Variants in PLPPR5 observed in about 807,000 individuals in gnomAD.
PLPPR5 encodes the protein phospholipid phosphatase-related protein type 5.
PLPPR5 carries 16 observed loss-of-function variants against 33.9 expected under a neutral mutation model. The observed-to-expected ratio is 0.47, with a 90% CI of 0.32 to 0.72. The LOEUF is 0.72. Ranked by LOEUF, PLPPR5 falls within the 30% of genes least tolerant of loss-of-function variation. The probability of loss-of-function intolerance (pLI) is 0.03; values close to 1 mark genes in which losing one functional copy is unlikely to be tolerated. For missense variants in PLPPR5, 301 were observed against 406.7 expected, an observed-to-expected ratio of 0.74 and a Z score of 2.23; for synonymous variants, 163 against 150.3, an observed-to-expected ratio of 1.08 and a Z score of -0.62.
intron 1 of PLPPR5, among the ~76,000 whole-genome samples, chr1:98,966,256 T>C (rs571076427): frequency 2.6e-5 from 4 of 152,294 alleles, no homozygotes; most frequent in Non-Finnish European, 5.9e-5. Flanking sequence ...AATTTGTTAG[T>C]AAAGTGAACT....
intron 3 of PLPPR5, among the ~76,000 whole-genome samples, chr1:98,933,656 C>T (rs1650067159): frequency 6.6e-6 from 1 of 152,048 alleles, no homozygotes; most frequent in South Asian, 2.1e-4. Flanking sequence ...ATTATGGTGG[C>T]AGGAAGGCAT....
intron 5 of PLPPR5, among the ~76,000 whole-genome samples, chr1:98,904,898 C>A (rs1442526085): frequency 1.3e-5 from 2 of 152,092 alleles, no homozygotes; most frequent in African/African-American, 4.8e-5. Flanking sequence ...TGGCTGGGAG[C>A]CCTTTTCTAC....
intron 1 of PLPPR5, among the ~76,000 whole-genome samples, chr1:98,965,260 C>G (rs545832260): frequency 2.0e-5 from 3 of 152,194 alleles, no homozygotes; most frequent in African/African-American, 4.8e-5. Context: ...AGCCTTGCAC[C>G]CCACTGACAG....
Position 99,004,603 on chromosome 1 carries a change from C to T in PLPPR5, c.69G>A (p.Thr23=). ...LYFQMVIMAG[T]VMLAYYFEYT... is the part of the protein sequence containing the mutation. ...ACTCGAAGTAGTACGCCAGCATCAC[C>T]GTCCCTGCCATGATCACCATCTGGA... The change falls in exon 1 of 6, where the codon ACG becomes ACA. Residue 23 remains threonine, a synonymous_variant. Transcript: ENST00000263177. The T allele has an allele frequency of 1.2e-6, 2 of 1,613,080 alleles. No homozygotes were observed. Among genetic ancestry groups the T allele is most frequent in the African/African-American group, 1.3e-5 (1 of 75,048 alleles).
chr1:98,896,933 A>G (rs1011742209), intron 5 of PLPPR5, among the ~76,000 whole-genome samples: 2 of 152,132 alleles, frequency 1.3e-5, no homozygotes, highest in African/African-American at 2.4e-5. Flanking sequence ...CTGTCACTCA[A>G]TCAACAAATA....
At chr1:98,999,427 A>G (rs894981304) in intron 1 of PLPPR5, among the ~76,000 whole-genome samples, 1 of 152,168 alleles carries the variant, frequency 6.6e-6, no homozygotes, top group Non-Finnish European at 1.5e-5. Flanking sequence ...CAAACCCAAG[A>G]AGGCTCCAGA....
intron 1 of PLPPR5, among the ~76,000 whole-genome samples, chr1:98,998,930 AAC>A (rs2100767200): frequency 6.6e-6 from 1 of 152,314 alleles, no homozygotes; most frequent in African/African-American, 2.4e-5. Context: ...AAATGCACCT[AAC>A]ACAGTGGCTG....
intron 3 of PLPPR5, among the ~76,000 whole-genome samples, chr1:98,937,219 C>T (rs1267101617): frequency 6.6e-6 from 1 of 152,182 alleles, no homozygotes; most frequent in Non-Finnish European, 1.5e-5. Context: ...TGTTGCCATG[C>T]TCTAGCAATT....
At chr1:98,908,951 G>A (rs1002470998) in intron 5 of PLPPR5, among the ~76,000 whole-genome samples, 6 of 151,982 alleles carry the variant, frequency 3.9e-5, no homozygotes, top group African/African-American at 1.2e-4. Flanking sequence ...AGGAAGCACT[G>A]GAACCTCCTT....
chr1:98,897,230 C>T (rs1451881751), intron 5 of PLPPR5, among the ~76,000 whole-genome samples: 1 of 152,208 alleles, frequency 6.6e-6, no homozygotes, highest in African/African-American at 2.4e-5. Flanking sequence ...AATTCCAACA[C>T]CAGTGCGCTC....
intron 1 of PLPPR5, among the ~76,000 whole-genome samples, chr1:98,977,304 A>G (rs1570749862): frequency 1.3e-5 from 2 of 151,870 alleles, no homozygotes; most frequent in South Asian, 2.1e-4. Context: ...AAACATGTCA[A>G]TCACATCTGA....
At chr1:98,897,725 A>G (rs988705867) in intron 5 of PLPPR5, among the ~76,000 whole-genome samples, 7 of 152,126 alleles carry the variant, frequency 4.6e-5, no homozygotes, top group African/African-American at 1.7e-4. Flanking sequence ...CTGAATGTCA[A>G]GTGTTTAAAT....
At chr1:98,940,624 G>T (rs1650336728) in intron 3 of PLPPR5, among the ~76,000 whole-genome samples, 1 of 151,808 alleles carries the variant, frequency 6.6e-6, no homozygotes, top group South Asian at 2.1e-4. Context: ...CATGCTTTAG[G>T]GGTGTTACTC....
At chr1:98,967,796 A>G (rs1437781491) in intron 1 of PLPPR5, among the ~76,000 whole-genome samples, 1 of 152,150 alleles carries the variant, frequency 6.6e-6, no homozygotes, top group Non-Finnish European at 1.5e-5. Flanking sequence ...CGTAAATTTT[A>G]GTCATTATTA....
At chr1:98,988,760 T>C (rs1238175088) in intron 1 of PLPPR5, among the ~76,000 whole-genome samples, 1 of 152,144 alleles carries the variant, frequency 6.6e-6, no homozygotes, top group African/African-American at 2.4e-5. Context: ...ATAAGATTCT[T>C]GCTTCTCTTA....
chr1:98,908,154 G>A (rs1174545620), intron 5 of PLPPR5, among the ~76,000 whole-genome samples: 1 of 152,156 alleles, frequency 6.6e-6, no homozygotes, highest in Non-Finnish European at 1.5e-5. Context: ...ATTGCTCCTA[G>A]CTGCCATTCT....
At chr1:98,958,397 C>CTT (rs1015265954) in intron 1 of PLPPR5, among the ~76,000 whole-genome samples, 10 of 151,128 alleles carry the variant, frequency 6.6e-5, no homozygotes, top group South Asian at 2.1e-4. Context: ...TTTCCTCTTT[C>CTT]TTTTTTTAAC....
At chr1:98,993,599 AT>A (rs1652533706) in intron 1 of PLPPR5, among the ~76,000 whole-genome samples, 1 of 152,062 alleles carries the variant, frequency 6.6e-6, no homozygotes, top group Non-Finnish European at 1.5e-5. Flanking sequence ...ACTGTCTAGT[AT>A]TTTTTTAATT....
At chr1:98,983,909 CAT>C (rs1270733815) in intron 1 of PLPPR5, among the ~76,000 whole-genome samples, 1 of 149,918 alleles carries the variant, frequency 6.7e-6, no homozygotes, top group Non-Finnish European at 1.5e-5. Context: ...AGTGTCTGTT[CAT>C]GTCCTTCGCC....
Sources: gnomAD v4.1 joint callset for allele counts (sites outside exome capture counted in the v4.1 genomes callset) on GRCh38, gnomAD v4.1.1 for gene constraint, MANE v1.5 for transcripts, NCBI Gene and HGNC (gene_info 2026-07-23, HGNC 2026-07-21) for gene names.